Variants in SASH1 observed in about 807,000 individuals in gnomAD.
SASH1 encodes SAM and SH3 domain containing 1, also known as SAM and SH3 domain-containing protein 1.
Under a neutral mutation model 125.2 loss-of-function variants are expected in SASH1, and 44 were observed. That is an observed-to-expected ratio of 0.35 (90% CI 0.28 to 0.45). SASH1 has a LOEUF of 0.45. SASH1 is among the 20% of genes least tolerant of loss of function. SASH1 has a pLI of 1.00. For synonymous variants in SASH1, 639 were observed against 649.1 expected (o/e 0.98, Z 0.24); for missense variants, 1,426 against 1,614.5 (o/e 0.88, Z 2.00).
the SASH1 span, among the ~76,000 whole-genome samples, chr6:148,257,215 G>A: frequency 6.6e-6 from 1 of 152,174 alleles, no homozygotes; most frequent in Non-Finnish European, 1.5e-5. Context: ...GAAGAGTCCA[G>A]TTCCGATCTT....
At chr6:148,524,670 G>C (rs1434214881) in intron 10 of SASH1, 1 of 152,240 alleles carries the variant, frequency 6.6e-6, no homozygotes, top group Non-Finnish European at 1.5e-5. Flanking sequence ...AATTAACTTG[G>C]GCAGTTCGAT....
the SASH1 span, among the ~76,000 whole-genome samples, chr6:148,260,994 G>C: frequency 6.6e-6 from 1 of 151,810 alleles, no homozygotes; most frequent in Non-Finnish European, 1.5e-5. Flanking sequence ...TAGTAGAGAC[G>C]GGGTTTCACT....
At chr6:148,438,697 C>T (rs984451232) in intron 2 of SASH1, among the ~76,000 whole-genome samples, 10 of 148,114 alleles carry the variant, frequency 6.8e-5, no homozygotes, top group Non-Finnish European at 1.3e-4. Context: ...TGTACTCATC[C>T]CAGCACATTC....
At chr6:148,215,506 T>C in the SASH1 span, among the ~76,000 whole-genome samples, 1 of 152,130 alleles carries the variant, frequency 6.6e-6, no homozygotes, top group East Asian at 1.9e-4. Flanking sequence ...GCTTCTTCTG[T>C]TTGGGATGGG....
chr6:148,446,103 T>TTTTTTTTTC (rs1776763170), intron 4 of SASH1, among the ~76,000 whole-genome samples: 2 of 20,688 alleles, frequency 9.7e-5, no homozygotes, highest in African/African-American at 2.7e-4. Context: ...TTTTTTTTTT[T>TTTTTTTTTC]TTTTTTTTTT....
intron 4 of SASH1, among the ~76,000 whole-genome samples, chr6:148,448,130 GTGTGTGTGTA>G (rs1489133627): frequency 4.0e-5 from 6 of 150,014 alleles, no homozygotes; most frequent in African/African-American, 1.5e-4. Flanking sequence ...GTGTGTGTGT[GTGTGTGTGTA>G]TGTGTGTGTG....
At chr6:148,236,494 G>A in the SASH1 span, among the ~76,000 whole-genome samples, 1 of 152,138 alleles carries the variant, frequency 6.6e-6, no homozygotes, top group South Asian at 2.1e-4. Context: ...TTACAGGCAT[G>A]AGCCACCACA....
At chr6:148,370,932 G>A (rs2114746336) in intron 1 of SASH1, among the ~76,000 whole-genome samples, 2 of 152,278 alleles carry the variant, frequency 1.3e-5, no homozygotes, top group South Asian at 4.1e-4. Context: ...TCTCAAATGA[G>A]GACTAATACA....
At chr6:148,428,889 C>T (rs1775938290) in intron 2 of SASH1, among the ~76,000 whole-genome samples, 1 of 152,112 alleles carries the variant, frequency 6.6e-6, no homozygotes, top group Admixed American at 6.6e-5. Flanking sequence ...CCTTCAGTTT[C>T]ACTCGGAAGA....
At chr6:148,309,737 A>C (rs1780250079) in intron 1 of SASH1, among the ~76,000 whole-genome samples, 1 of 151,906 alleles carries the variant, frequency 6.6e-6, no homozygotes, top group Admixed American at 6.6e-5. Flanking sequence ...GGTCAATTGT[A>C]AACATTTGAC....
chr6:148,366,684 G>A (rs1782471800), intron 1 of SASH1, among the ~76,000 whole-genome samples: 2 of 152,018 alleles, frequency 1.3e-5, no homozygotes, highest in Admixed American at 1.3e-4. Context: ...TGCAACCTCT[G>A]CCTCCCAGGT....
At chr6:148,412,106 A>AAT (rs1214819705) in intron 2 of SASH1, among the ~76,000 whole-genome samples, 7 of 152,168 alleles carry the variant, frequency 4.6e-5, no homozygotes, top group Middle Eastern at 3.4e-3. Flanking sequence ...ATGTTGAAGG[A>AAT]ATATATATAT....
intron 4 of SASH1, among the ~76,000 whole-genome samples, chr6:148,468,121 A>G (rs933710695): frequency 6.6e-6 from 1 of 152,078 alleles, no homozygotes; most frequent in Admixed American, 6.5e-5. Flanking sequence ...GTTTTCCTAG[A>G]GCCGACCACT....
chr6:148,512,168 G>A (rs929352281), intron 8 of SASH1, among the ~76,000 whole-genome samples: 3 of 151,934 alleles, frequency 2.0e-5, no homozygotes, highest in Non-Finnish European at 4.4e-5. Flanking sequence ...ACAGGCACCC[G>A]CCACCACGCC....
the SASH1 span, among the ~76,000 whole-genome samples, chr6:148,257,078 A>G: frequency 6.6e-6 from 1 of 152,194 alleles, no homozygotes; most frequent in Non-Finnish European, 1.5e-5. Context: ...AAATATCAAT[A>G]CGGCTGTTAA....
chr6:148,212,353 C>A, the SASH1 span, among the ~76,000 whole-genome samples: 1 of 152,154 alleles, frequency 6.6e-6, no homozygotes, highest in South Asian at 2.1e-4. Context: ...GGGGACAGGC[C>A]AAGGTTGGTG....
the SASH1 span, among the ~76,000 whole-genome samples, chr6:148,267,085 G>A: frequency 6.6e-6 from 1 of 152,134 alleles, no homozygotes; most frequent in African/African-American, 2.4e-5. Flanking sequence ...TCGCTTACCT[G>A]TAAAGGAAAG....
the SASH1 span, among the ~76,000 whole-genome samples, chr6:148,252,322 G>A: frequency 6.6e-6 from 1 of 151,950 alleles, no homozygotes; most frequent in Non-Finnish European, 1.5e-5. Flanking sequence ...TATAACAAGC[G>A]AATTCTGATT....
rs1406901382 is a variant in SASH1, at chr6:148,549,679, A to C, written c.*1121A>C. 1 of 398,820 alleles carries C rather than the reference A, an allele frequency of 2.5e-6. No homozygotes were observed. Among genetic ancestry groups the C allele is most frequent in the Non-Finnish European group, 4.4e-6 (1 of 225,988 alleles). 24.7% of individuals were successfully genotyped at this position (398,820 alleles called of 1,614,324 possible). The stretch of plus-strand genomic sequence containing the variant: ...CAGTATTACAACTAATACTATTATT[A>C]TCCTTCTTTTTTTATTTAGATAATT... On this transcript the variant is annotated 3_prime_UTR_variant, in exon 20 of 20. Coordinates refer to ENST00000367467, the MANE Select transcript of SASH1 (RefSeq NM_015278.5).
Sources: gnomAD v4.1 joint callset for allele counts (sites outside exome capture counted in the v4.1 genomes callset) on GRCh38, gnomAD v4.1.1 for gene constraint, MANE v1.5 for transcripts, NCBI Gene and HGNC (gene_info 2026-07-23, HGNC 2026-07-21) for gene names.